CHL1: variants seen among roughly 807,000 people sequenced by gnomAD.
CHL1 encodes neural cell adhesion molecule L1-like protein.
Under a neutral mutation model 141.9 loss-of-function variants are expected in CHL1, and 96 were observed. The observed-to-expected ratio is 0.68, with a 90% confidence interval of 0.57 to 0.80. CHL1 has a LOEUF of 0.80. Ranked by LOEUF, CHL1 falls within the 30% of genes least tolerant of loss-of-function variation. The pLI is 0.00. For missense variants in CHL1, 1,820 were observed against 1,457.2 expected (o/e 1.25, Z -4.05); for synonymous variants, 613 against 502.2 (o/e 1.22, Z -2.95).
intron 2 of CHL1, chr3:309,377 TTCCTTCCTTCCTTCC>T (rs1402831918): frequency 1.5e-5 from 2 of 134,652 alleles, no homozygotes; most frequent in African/African-American, 6.3e-5. Flanking sequence ...TTTTCTTTCC[TTCCTTCCTTCCTTCC>T]TCCTTCCTTC....
intron 9 of CHL1, 129 bp downstream of exon 9, chr3:344,838 G>A (rs1702631528): frequency 1.5e-5 from 13 of 849,020 alleles, no homozygotes; most frequent in Admixed American, 3.0e-5. Flanking sequence ...AAATTCTGCC[G>A]GGCACTGCAG....
At chr3:389,177 C>T in intron 19 of CHL1, 75 bp from the exon 20 acceptor site, 2 of 1,124,282 alleles carry the variant, frequency 1.8e-6, no homozygotes, top group South Asian at 1.4e-5. Context: ...CCTTATTCCA[C>T]TTAGGGTGGT....
intron 5 of CHL1, among the ~76,000 whole-genome samples, chr3:337,313 C>G (rs949264918): frequency 6.6e-6 from 1 of 151,580 alleles, no homozygotes; most frequent in African/African-American, 2.4e-5. Flanking sequence ...GCCTCAGCCT[C>G]CCGAGTAGCT....
intron 11 of CHL1, among the ~76,000 whole-genome samples, chr3:359,609 T>C (rs944271955): frequency 1.3e-5 from 2 of 152,160 alleles, no homozygotes; most frequent in Non-Finnish European, 2.9e-5. Flanking sequence ...AGCCTCATGT[T>C]AGGTATTCTC....
intron 1 of CHL1, among the ~76,000 whole-genome samples, chr3:202,409 T>C (rs1298922586): frequency 1.3e-5 from 2 of 152,236 alleles, no homozygotes; most frequent in Non-Finnish European, 2.9e-5. Context: ...ATTAATTATA[T>C]GCACATATAC....
At chr3:303,619 A>C (rs1698958910) in intron 2 of CHL1, among the ~76,000 whole-genome samples, 2 of 152,200 alleles carry the variant, frequency 1.3e-5, no homozygotes, top group African/African-American at 4.8e-5. Flanking sequence ...TTATCAGCTT[A>C]AGGAGATTTT....
chr3:289,614 A>C (rs563647698), intron 2 of CHL1, among the ~76,000 whole-genome samples: 26 of 152,274 alleles, frequency 1.7e-4, no homozygotes, highest in African/African-American at 6.0e-4. Context: ...CATTTTTGTC[A>C]ATCTATCAAT....
intron 1 of CHL1, among the ~76,000 whole-genome samples, chr3:218,315 G>T (rs1700506095): frequency 6.6e-6 from 1 of 152,172 alleles, no homozygotes; most frequent in African/African-American, 2.4e-5. Context: ...TGTTTTAGAA[G>T]ATGAAAGACC....
In CHL1 at chr3:382,520, G is replaced by C; in HGVS notation, c.2025G>C (p.Trp675Cys). ...GAAACAAAGAAGAGCCTGGAAGGTGGGAGGAACTGACCAGAGTCCAAGGAA... is the reference window on the plus strand; with the variant it reads ...GAAACAAAGAAGAGCCTGGAAGGTGCGAGGAACTGACCAGAGTCCAAGGAA... ...FEGNKEEPGR[W>C]EELTRVQGKK... The change falls in exon 18 of 28, where the codon TGG (tryptophan) becomes TGC (cysteine). Residue 675 changes from tryptophan (W) to cysteine (C), a missense_variant. Trp to Cys is a radical substitution (Grantham distance 215, BLOSUM62 -2). Coordinates refer to ENST00000256509, the MANE Select transcript of CHL1 (RefSeq NM_006614.4). 1 of 1,613,892 alleles carries C rather than the reference G, an allele frequency of 6.2e-7. No individual in the cohort carries two copies. Among genetic ancestry groups the C allele is most frequent in the Non-Finnish European group, 8.5e-7 (1 of 1,179,844 alleles).
intron 15 of CHL1, among the ~76,000 whole-genome samples, chr3:374,552 A>G (rs1706062785): frequency 6.6e-6 from 1 of 152,188 alleles, no homozygotes; most frequent in South Asian, 2.1e-4. Context: ...CCAGTTTTAC[A>G]GTTCCTGCAG....
intron 2 of CHL1, among the ~76,000 whole-genome samples, chr3:270,263 AG>A (rs1695524008): frequency 6.6e-6 from 1 of 152,226 alleles, no homozygotes; most frequent in Non-Finnish European, 1.5e-5. Context: ...CTGTGTTTGA[AG>A]AAAAAAAATG....
At chr3:206,260 G>T (rs1381462387) in intron 1 of CHL1, among the ~76,000 whole-genome samples, 2 of 152,168 alleles carry the variant, frequency 1.3e-5, no homozygotes, top group Non-Finnish European at 2.9e-5. Flanking sequence ...TTGAGGTCAG[G>T]AGTTTGAGGC....
chr3:395,169 T>G (rs935123899), intron 24 of CHL1, among the ~76,000 whole-genome samples: 7 of 152,196 alleles, frequency 4.6e-5, no homozygotes, highest in African/African-American at 1.7e-4. Context: ...GGACATAAGG[T>G]CACAAAGCTA....
At chr3:308,105 C>A (rs1189547987) in intron 2 of CHL1, among the ~76,000 whole-genome samples, 3 of 152,084 alleles carry the variant, frequency 2.0e-5, no homozygotes, top group East Asian at 3.9e-4. Flanking sequence ...ACATTCAGAT[C>A]CATATTTACT....
intron 2 of CHL1, among the ~76,000 whole-genome samples, chr3:319,442 T>A (rs1446644230): frequency 6.6e-6 from 1 of 151,856 alleles, no homozygotes; most frequent in Non-Finnish European, 1.5e-5. Context: ...TAAAACTTCC[T>A]CTGACTTAGG....
At chr3:260,078 A>G (rs1277456068) in intron 2 of CHL1, among the ~76,000 whole-genome samples, 1 of 152,158 alleles carries the variant, frequency 6.6e-6, no homozygotes, top group Non-Finnish European at 1.5e-5. Flanking sequence ...CAGCCTGGCC[A>G]GCATGATGAA....
intron 7 of CHL1, 110 bp from the exon 8 acceptor site, chr3:342,874 T>A: frequency 1.3e-6 from 1 of 760,390 alleles, no homozygotes; most frequent in Middle Eastern, 3.5e-4. Flanking sequence ...GAAGCATGGT[T>A]CTACATCATT....
At chr3:360,816 C>A (rs1459537816) in intron 12 of CHL1, among the ~76,000 whole-genome samples, 21 of 143,444 alleles carry the variant, frequency 1.5e-4, no homozygotes, top group Non-Finnish European at 2.4e-4. Context: ...TGTTCAATTC[C>A]CACCTATGAG....
chr3:371,167 T>C (rs1480725992), intron 15 of CHL1, among the ~76,000 whole-genome samples: 1 of 152,302 alleles, frequency 6.6e-6, no homozygotes. Context: ...TTGTTAATTT[T>C]CTGTCTCATT....
Sources: allele counts gnomAD v4.1 joint callset (sites outside exome capture counted in the v4.1 genomes callset), GRCh38; gene constraint gnomAD v4.1.1; transcripts MANE v1.5; gene names NCBI Gene and HGNC (gene_info 2026-07-23, HGNC 2026-07-21).